FAM3C: variants seen among roughly 807,000 people sequenced by gnomAD.
FAM3C encodes the protein FAM3 metabolism regulating signaling molecule C.
A neutral mutation model predicts 32.5 loss-of-function variants in FAM3C; 15 were observed. The ratio of observed to expected loss-of-function variants is 0.46; its 90% CI spans 0.31 to 0.71. The LOEUF is 0.71. Ranked by LOEUF, FAM3C falls within the 30% of genes least tolerant of loss-of-function variation. FAM3C has a pLI of 0.05. For synonymous variants in FAM3C, 75 were observed against 86.1 expected, an observed-to-expected ratio of 0.87 and a Z score of 0.72; for missense variants, 175 against 274.4, an observed-to-expected ratio of 0.64 and a Z score of 2.56.
chr7:121,354,949 T>C (rs899712060), intron 8 of FAM3C, among the ~76,000 whole-genome samples: 2 of 152,160 alleles, frequency 1.3e-5, no homozygotes, highest in Non-Finnish European at 2.9e-5. Context: ...AGAAAGGAAG[T>C]GTGCAAAAAT....
chr7:121,362,764 G>C, intron 7 of FAM3C, 133 bp downstream of exon 7: 2 of 644,232 alleles, frequency 3.1e-6, no homozygotes, highest in East Asian at 6.2e-5. Flanking sequence ...TGGACATTTA[G>C]TGAACAGAAA....
At chr7:121,372,821 T>C (rs2240982) in intron 3 of FAM3C, among the ~76,000 whole-genome samples, 5,339 of 152,288 alleles carry the variant, frequency 0.035, 186 homozygotes, top group South Asian at 0.14. Flanking sequence ...CTAATAAGTA[T>C]GCAGTGTGAT....
intron 1 of FAM3C, among the ~76,000 whole-genome samples, chr7:121,390,632 T>C (rs945686785): frequency 1.3e-5 from 2 of 152,092 alleles, no homozygotes; most frequent in Non-Finnish European, 1.5e-5. Flanking sequence ...AACCTCTTAC[T>C]ACAGGGTTAC....
intron 5 of FAM3C, among the ~76,000 whole-genome samples, chr7:121,368,129 C>T (rs1378930343): frequency 6.6e-6 from 1 of 152,038 alleles, no homozygotes; most frequent in Non-Finnish European, 1.5e-5. Flanking sequence ...TACTTATGAC[C>T]ACCATCCTAA....
chr7:121,361,362 A>C lies in FAM3C; in HGVS notation c.383-1235T>G, dbSNP rs574360804. ...TAATAATAGCATTTTCAATTCAAAA[A>C]GATATAACAAGGCAGCTAACAAACT... On this transcript the variant is annotated intron_variant, in intron 7 of 9. Transcript: ENST00000359943. 1.2e-4 allele frequency among the ~76,000 whole-genome samples: 18 copies of C among 152,252 alleles called. 1 individual carries two copies. Among genetic ancestry groups the C allele is most frequent in the Non-Finnish European group, 2.1e-4 (14 of 68,042 alleles).
intron 1 of FAM3C, among the ~76,000 whole-genome samples, chr7:121,395,919 G>A (rs1389446521): frequency 6.6e-6 from 1 of 151,506 alleles, no homozygotes; most frequent in Non-Finnish European, 1.5e-5. Context: ...GGAGCCCGGG[G>A]ATGCCCACGC....
intron 2 of FAM3C, among the ~76,000 whole-genome samples, chr7:121,382,549 GTT>G (rs3068115): frequency 0.3 from 38,748 of 130,740 alleles, 5,260 homozygotes; most frequent in African/African-American, 0.39. Context: ...CAGTCTTTAG[GTT>G]TTTTTTTTTT....
rs753433677 is a variant in FAM3C, at chr7:121,371,405, T to C, written c.167A>G (p.Tyr56Cys). The C allele has an allele frequency of 1.2e-6, 2 of 1,613,890 alleles. No individual in the cohort carries two copies. Among genetic ancestry groups the C allele is most frequent in the South Asian group, 1.1e-5 (1 of 91,072 alleles). The change falls in exon 5 of 10, where the codon TAT (tyrosine) becomes TGT (cysteine). Residue 56 changes from tyrosine to cysteine, a missense_variant. Transcript: ENST00000359943. ...TAARSTKPPR[Y>C]KCGISKACPE... Reference sequence around the variant, plus strand: ...GCAAGCTTTTGAGATCCCACACTTATATCTGGGAGGCTTTGTAGCTTTGGG... The same window carrying C: ...GCAAGCTTTTGAGATCCCACACTTACATCTGGGAGGCTTTGTAGCTTTGGG...
rs763685259 is a variant in FAM3C at position 121,350,432 on chromosome 7, C to A, written c.*29G>T. On this transcript the variant is annotated 3_prime_UTR_variant, in exon 10 of 10. Transcript: ENST00000359943. ...AGCTCTCCCATTAAGAGTGAAAGTG[C>A]GCTTTCTTCAATTCTCTCCACATTT... 6.2e-7 allele frequency: 1 copy of A among 1,609,988 alleles called. No individual in the cohort carries two copies. Among genetic ancestry groups the A allele is most frequent in the Non-Finnish European group, 8.5e-7 (1 of 1,178,720 alleles).
chr7:121,371,399 C>T lies in FAM3C; in HGVS notation c.173G>A (p.Cys58Tyr), dbSNP rs755683116. 6.2e-7 allele frequency: 1 copy of T among 1,613,892 alleles called. No individual in the cohort carries two copies. Among genetic ancestry groups the T allele is most frequent in the Non-Finnish European group, 8.5e-7 (1 of 1,179,816 alleles). ...CTCAGGGCAAGCTTTTGAGATCCCA[C>T]ACTTATATCTGGGAGGCTTTGTAGC... ...ARSTKPPRYK[C>Y]GISKACPEKH... is the part of the protein sequence containing the mutation. The change falls in exon 5 of 10, where the codon TGT becomes TAT. Residue 58 changes from cysteine (C) to tyrosine (Y), a missense_variant. Transcript: ENST00000359943.
At chr7:121,383,320 T>C (rs1794398392) in intron 1 of FAM3C, among the ~76,000 whole-genome samples, 2 of 152,178 alleles carry the variant, frequency 1.3e-5, no homozygotes, top group Non-Finnish European at 2.9e-5. Context: ...TAAGAAACTT[T>C]TGATATTTAG....
At chr7:121,395,971 C>G (rs1445054240) in intron 1 of FAM3C, among the ~76,000 whole-genome samples, 191 bp downstream of exon 1, 1 of 151,434 alleles carries the variant, frequency 6.6e-6, no homozygotes, top group Non-Finnish European at 1.5e-5. Context: ...CTCTCCGGGA[C>G]CCCAGTCCCG....
At chr7:121,395,156 CAT>C (rs1385781798) in intron 1 of FAM3C, among the ~76,000 whole-genome samples, 2 of 151,638 alleles carry the variant, frequency 1.3e-5, no homozygotes, top group Non-Finnish European at 2.9e-5. Flanking sequence ...TCATTGTATC[CAT>C]ATATATATGG....
At position 121,395,225 on chromosome 7, in the gene FAM3C, A is replaced by C. The variant is rs73440267; in HGVS notation, c.-42+937T>G. Among the ~76,000 whole-genome samples, 766 of 151,418 alleles carry C rather than the reference A, an allele frequency of 5.1e-3. 13 individuals are homozygous for C. Among genetic ancestry groups the C allele is most frequent in the African/African-American group, 0.018 (731 of 41,140 alleles). ...TACATATATACGGATACATACATATATATGGATACATACATACATATATAT... is the reference window on the plus strand; with the variant it reads ...TACATATATACGGATACATACATATCTATGGATACATACATACATATATAT... On this transcript the variant is annotated intron_variant, in intron 1 of 9. Coordinates refer to ENST00000359943, the MANE Select transcript of FAM3C (RefSeq NM_014888.3).
intron 2 of FAM3C, among the ~76,000 whole-genome samples, chr7:121,380,723 T>C (rs953631402): frequency 1.0e-4 from 12 of 114,958 alleles, no homozygotes; most frequent in Non-Finnish European, 2.2e-4. Flanking sequence ...AAAAGCTATA[T>C]ACAAACATTT....
chr7:121,360,161 A>G, intron 7 of FAM3C, 34 bp from the exon 8 acceptor site: 1 of 1,090,890 alleles, frequency 9.2e-7, no homozygotes, highest in South Asian at 1.3e-5. Flanking sequence ...GGTTTTAAAA[A>G]ATGACTGAAT....
In FAM3C at chr7:121,394,916, T is replaced by C. The variant is rs747962220; in HGVS notation, c.-42+1246A>G. Among the ~76,000 whole-genome samples the C allele has an allele frequency of 7.4e-4, 112 of 152,196 alleles. 2 individuals are homozygous for C. Among genetic ancestry groups the C allele is most frequent in the Middle Eastern group, 3.2e-3 (1 of 316 alleles). On this transcript the variant is annotated intron_variant, in intron 1 of 9. Transcript: ENST00000359943. ...ACTCTGTAAGATACTGTATGACTAA[T>C]AGTAACGGTTCCCAAGACTTAAGAA...
At chr7:121,352,609 T>C (rs967145598) in intron 8 of FAM3C, among the ~76,000 whole-genome samples, 7 of 152,332 alleles carry the variant, frequency 4.6e-5, no homozygotes, top group South Asian at 2.1e-4. Flanking sequence ...TCTGTGAAGA[T>C]TGTGAGGCCT....
intron 8 of FAM3C, among the ~76,000 whole-genome samples, chr7:121,354,769 T>C (rs1225926380): frequency 6.6e-6 from 1 of 152,094 alleles, no homozygotes; most frequent in Non-Finnish European, 1.5e-5. Flanking sequence ...AGAGAACATA[T>C]TATACAAAGT....
Sources: allele counts gnomAD v4.1 joint callset (sites outside exome capture counted in the v4.1 genomes callset), GRCh38; gene constraint gnomAD v4.1.1; transcripts MANE v1.5; gene names NCBI Gene and HGNC (gene_info 2026-07-23, HGNC 2026-07-21).